WDFY2: variants seen among roughly 807,000 people sequenced by gnomAD.
WDFY2 encodes the protein WD repeat and FYVE domain containing 2.
In WDFY2, 36 loss-of-function variants were observed where a neutral mutation model predicts 56.4. The ratio of observed to expected loss-of-function variants is 0.64; its 90% confidence interval spans 0.49 to 0.84. The LOEUF (loss-of-function observed/expected upper bound fraction) is 0.84, where lower values mean the gene tolerates loss of function less well. Among genes scored for constraint, WDFY2 ranks in the 40% least tolerant of loss-of-function variants. WDFY2 has a pLI of 0.00. For synonymous variants in WDFY2, 176 were observed against 183.7 expected, an observed-to-expected ratio of 0.96 and a Z score of 0.34; for missense variants, 444 against 512.2, an observed-to-expected ratio of 0.87 and a Z score of 1.29.
chr13:51,617,138 A>T (rs190653858), intron 1 of WDFY2, among the ~76,000 whole-genome samples: 27 of 152,342 alleles, frequency 1.8e-4, no homozygotes, highest in African/African-American at 6.0e-4. Flanking sequence ...GTGTGCTTAT[A>T]CAAAACTCTT....
At chr13:51,699,378 T>C (rs1423817881) in intron 3 of WDFY2, among the ~76,000 whole-genome samples, 2 of 152,222 alleles carry the variant, frequency 1.3e-5, no homozygotes, top group Admixed American at 1.3e-4. Context: ...CTGGGCATCT[T>C]GTGAAACTCA....
At chr13:51,623,799 G>C (rs1954788041) in intron 1 of WDFY2, among the ~76,000 whole-genome samples, 1 of 148,856 alleles carries the variant, frequency 6.7e-6, no homozygotes, top group Non-Finnish European at 1.5e-5. Context: ...TTCTAATTTT[G>C]TGGTCATTTC....
chr13:51,756,860 C>T (rs752573238), intron 10 of WDFY2, among the ~76,000 whole-genome samples: 16 of 152,278 alleles, frequency 1.1e-4, no homozygotes, highest in Middle Eastern at 3.4e-3. Flanking sequence ...TTTCATTTTC[C>T]GGGAAGAGCT....
chr13:51,703,350 G>T (rs909220734), intron 3 of WDFY2, among the ~76,000 whole-genome samples: 1 of 152,158 alleles, frequency 6.6e-6, no homozygotes, highest in Non-Finnish European at 1.5e-5. Flanking sequence ...ATGCTGAACT[G>T]ATCTGGTTTT....
chr13:51,719,079 G>T, intron 4 of WDFY2, 119 bp from the exon 5 acceptor site: 1 of 1,393,842 alleles, frequency 7.2e-7, no homozygotes, highest in Non-Finnish European at 9.9e-7. Flanking sequence ...CCTTAAAATG[G>T]TTCTGCTGTT....
intron 1 of WDFY2, among the ~76,000 whole-genome samples, chr13:51,659,598 G>C (rs1227118672): frequency 6.6e-6 from 1 of 152,176 alleles, no homozygotes; most frequent in Non-Finnish European, 1.5e-5. Context: ...TGTTTGGTCA[G>C]AACATCATGA....
In WDFY2 at chr13:51,765,387, A is replaced by C. The variant is rs1953715714; in HGVS notation, c.*5618A>C. 1 of 152,148 alleles carries C rather than the reference A, an allele frequency of 6.6e-6. No homozygotes were observed. The highest frequency in any genetic ancestry group is 2.4e-5 in the African/African-American group (1 of 41,420). The allele number at this position is 152,148 out of a possible 1,614,324, so 9.4% of individuals were successfully genotyped here. On this transcript the variant is annotated 3_prime_UTR_variant, in exon 12 of 12. Transcript: ENST00000298125. ...GTTTAACACATGAAAGCAGTGTCTA[A>C]AAATTAGATCGGTCCTAAATTGGAA...
At chr13:51,631,250 G>A (rs545004832) in intron 1 of WDFY2, among the ~76,000 whole-genome samples, 1 of 151,946 alleles carries the variant, frequency 6.6e-6, no homozygotes, top group East Asian at 2.0e-4. Context: ...AATCAGCTGG[G>A]TGTGGTGGCT....
At chr13:51,723,521 G>A (rs1952537118) in intron 5 of WDFY2, among the ~76,000 whole-genome samples, 1 of 152,080 alleles carries the variant, frequency 6.6e-6, no homozygotes, top group African/African-American at 2.4e-5. Flanking sequence ...CCTGCACACA[G>A]TCCCATATTC....
At chr13:51,660,464 T>C (rs201593028) in intron 1 of WDFY2, 132 bp from the exon 2 acceptor site, 3 of 666,416 alleles carry the variant, frequency 4.5e-6, no homozygotes, top group Non-Finnish European at 7.5e-6. Context: ...CCTCTCAAAG[T>C]GCTGGGACAG....
chr13:51,586,907 G>T (rs1382295149), intron 1 of WDFY2: 1 of 151,916 alleles, frequency 6.6e-6, no homozygotes, highest in East Asian at 1.9e-4. Flanking sequence ...ACATAACTTT[G>T]TTATTTAGAG....
At chr13:51,651,538 C>G (rs544719935) in intron 1 of WDFY2, among the ~76,000 whole-genome samples, 7 of 152,294 alleles carry the variant, frequency 4.6e-5, no homozygotes, top group African/African-American at 1.7e-4. Flanking sequence ...TTCCTGCTTT[C>G]TCTTATGGGT....
chr13:51,688,726 G>A (rs1481664552), intron 3 of WDFY2, among the ~76,000 whole-genome samples: 1 of 152,140 alleles, frequency 6.6e-6, no homozygotes, highest in Non-Finnish European at 1.5e-5. Context: ...ATAACCATTA[G>A]GCTAAATATT....
chr13:51,735,345 C>T (rs1349988969), intron 6 of WDFY2, among the ~76,000 whole-genome samples: 4 of 152,130 alleles, frequency 2.6e-5, no homozygotes, highest in African/African-American at 7.2e-5. Context: ...CCAAAGTCTG[C>T]GGTGGGGACA....
At chr13:51,745,973 C>CTT (rs59572351) in intron 7 of WDFY2, among the ~76,000 whole-genome samples, 196 of 100,716 alleles carry the variant, frequency 1.9e-3, no homozygotes, top group East Asian at 4.4e-3. Flanking sequence ...TTTTCTTTTT[C>CTT]TTTTTTTTTT....
At position 51,666,598 on chromosome 13, in the gene WDFY2, A is replaced by G. The variant is rs79143661; in HGVS notation, c.205+5935A>G. 3.9e-3 allele frequency among the ~76,000 whole-genome samples: 589 copies of G among 152,328 alleles called. 4 individuals are homozygous for G. Among genetic ancestry groups the G allele is most frequent in the African/African-American group, 0.013 (543 of 41,578 alleles). On this transcript the variant is annotated intron_variant, in intron 2 of 11. Coordinates refer to ENST00000298125, the MANE Select transcript of WDFY2 (RefSeq NM_052950.4). ...ATTTTCCATGTGTATTATGAGGCAG[A>G]AAAGATTGGGAGCAGTAGCCCTAGG...
intron 4 of WDFY2, among the ~76,000 whole-genome samples, chr13:51,709,716 C>T (rs1199939022): frequency 6.6e-6 from 1 of 152,052 alleles, no homozygotes; most frequent in South Asian, 2.1e-4. Context: ...ACACATACAC[C>T]CTCCCAAGAC....
rs557685447 is a variant in WDFY2, at chr13:51,639,842, C to T, written c.138-20754C>T. Among the ~76,000 whole-genome samples, 8 of 152,258 alleles carry T rather than the reference C, an allele frequency of 5.3e-5. No individual in the cohort carries two copies. In the South Asian group the frequency reaches 1.0e-3, roughly 20 times the overall value. ...TCATCTACTCTGCTAACTTCAAAGA[C>T]GCCCATATGCTGTTGTCTCCTTTCT... On this transcript the variant is annotated intron_variant, in intron 1 of 11. Coordinates refer to ENST00000298125, the MANE Select transcript of WDFY2 (RefSeq NM_052950.4).
At chr13:51,703,526 TG>T in intron 3 of WDFY2, 69 bp from the exon 4 acceptor site, 1 of 1,191,882 alleles carries the variant, frequency 8.4e-7, no homozygotes. Flanking sequence ...TTATTCAGTC[TG>T]GTTTTACCAA....
Sources: allele counts gnomAD v4.1 joint callset (sites outside exome capture counted in the v4.1 genomes callset), GRCh38; gene constraint gnomAD v4.1.1; transcripts MANE v1.5; gene names NCBI Gene and HGNC (gene_info 2026-07-23, HGNC 2026-07-21).